SEMA3E: variants seen among roughly 807,000 people sequenced by gnomAD.
SEMA3E encodes semaphorin-3E.
SEMA3E carries 49 observed loss-of-function variants against 93.6 expected under a neutral mutation model. That is an observed-to-expected ratio of 0.52 (90% confidence interval 0.42 to 0.66). The LOEUF (loss-of-function observed/expected upper bound fraction) is 0.66. Among genes scored for constraint, SEMA3E ranks in the 30% least tolerant of loss-of-function variants. The pLI, the probability that SEMA3E is intolerant of heterozygous loss-of-function variation, is 0.00. For synonymous variants in SEMA3E, 363 were observed against 330.7 expected (o/e 1.10, Z -1.06); for missense variants, 906 against 964.8 (o/e 0.94, Z 0.81).
chr7:83,567,947 A>T, intron 1 of SEMA3E, among the ~76,000 whole-genome samples: 1 of 151,984 alleles, frequency 6.6e-6, no homozygotes, highest in East Asian at 1.9e-4. Flanking sequence ...TACAAAGAAA[A>T]TAAAAAGTTG....
At chr7:83,419,015 C>CA (rs1225871778) in intron 4 of SEMA3E, among the ~76,000 whole-genome samples, 3 of 151,866 alleles carry the variant, frequency 2.0e-5, no homozygotes, top group African/African-American at 7.3e-5. Context: ...GCATAGTGTC[C>CA]AACAGGCATT....
chr7:83,546,895 TG>T (rs1791662803), intron 1 of SEMA3E, among the ~76,000 whole-genome samples: 1 of 152,132 alleles, frequency 6.6e-6, no homozygotes, highest in Admixed American at 6.6e-5. Context: ...ATTTTATTGA[TG>T]AAGATACCTT....
chr7:83,399,993 T>A (rs1241774756), intron 11 of SEMA3E, 35 bp downstream of exon 11: 3 of 1,471,322 alleles, frequency 2.0e-6, no homozygotes, highest in Non-Finnish European at 2.9e-6. Flanking sequence ...TAAGGGTCAA[T>A]TTAAATATCT....
intron 2 of SEMA3E, among the ~76,000 whole-genome samples, chr7:83,482,047 C>T (rs1043672772): frequency 2.6e-5 from 4 of 152,066 alleles, no homozygotes; most frequent in African/African-American, 7.2e-5. Flanking sequence ...AGAGCCTAAA[C>T]ACAGATATTA....
intron 1 of SEMA3E, among the ~76,000 whole-genome samples, chr7:83,581,871 T>C (rs961668260): frequency 3.9e-5 from 6 of 152,004 alleles, no homozygotes; most frequent in African/African-American, 1.4e-4. Flanking sequence ...AGGATAATGG[T>C]TGGAGGGCTT....
At chr7:83,482,068 C>T (rs549853157) in intron 2 of SEMA3E, among the ~76,000 whole-genome samples, 1 of 152,150 alleles carries the variant, frequency 6.6e-6, no homozygotes, top group Admixed American at 6.5e-5. Context: ...TTTACACAAT[C>T]CTTAGGTGTT....
In SEMA3E at chr7:83,388,656, T is replaced by C. The variant is rs1787932434; in HGVS notation, c.1668-1606A>G. 2.6e-5 allele frequency among the ~76,000 whole-genome samples: 4 copies of C among 152,018 alleles called. No homozygotes were observed. In the South Asian group the frequency reaches 8.3e-4, roughly 31 times the overall value. ...AATGAGATGCTTTAACCATATGCAATGATGAAATTTGGAAAAGTGAACCAG... is the reference window on the plus strand; with the variant it reads ...AATGAGATGCTTTAACCATATGCAACGATGAAATTTGGAAAAGTGAACCAG... On this transcript the variant is annotated intron_variant, in intron 14 of 16. Coordinates refer to ENST00000643230, the MANE Select transcript of SEMA3E (RefSeq NM_012431.3).
chr7:83,370,657 C>T (rs977695880), intron 16 of SEMA3E, among the ~76,000 whole-genome samples: 5 of 152,148 alleles, frequency 3.3e-5, no homozygotes, highest in Middle Eastern at 3.4e-3. Flanking sequence ...TCTCATCCTG[C>T]GTAACTGAAT....
intron 1 of SEMA3E, among the ~76,000 whole-genome samples, chr7:83,619,711 G>C (rs1415365016): frequency 1.3e-5 from 2 of 151,740 alleles, no homozygotes; most frequent in Non-Finnish European, 2.9e-5. Flanking sequence ...TGTCACATTT[G>C]AGATAATACT....
At chr7:83,539,090 T>G (rs1242317918) in intron 1 of SEMA3E, among the ~76,000 whole-genome samples, 1 of 152,206 alleles carries the variant, frequency 6.6e-6, no homozygotes, top group African/African-American at 2.4e-5. Flanking sequence ...AGAATGGTTT[T>G]GTTTGGAAAC....
At chr7:83,608,864 C>T (rs558204340) in intron 1 of SEMA3E, among the ~76,000 whole-genome samples, 4 of 152,140 alleles carry the variant, frequency 2.6e-5, no homozygotes, top group African/African-American at 9.6e-5. Flanking sequence ...AATCCCAAGT[C>T]TCATTGTTTG....
At chr7:83,521,858 T>C (rs1279973245) in intron 1 of SEMA3E, among the ~76,000 whole-genome samples, 2 of 152,104 alleles carry the variant, frequency 1.3e-5, no homozygotes, top group East Asian at 3.9e-4. Flanking sequence ...TATAGTGGCT[T>C]CAGGGGTTTA....
rs530906232 is a variant in SEMA3E at position 83,455,635 on chromosome 7, A to G, written c.456+10847T>C. Among the ~76,000 whole-genome samples the G allele has an allele frequency of 2.0e-5, 3 of 152,292 alleles. No homozygotes were observed. The South Asian group carries it at 6.2e-4, about 32-fold the overall frequency. On this transcript the variant is annotated intron_variant, in intron 4 of 16. Coordinates refer to ENST00000643230, the MANE Select transcript of SEMA3E (RefSeq NM_012431.3). The stretch of plus-strand genomic sequence containing the variant: ...AATACGGTAAGAAATCACTCCTTAT[A>G]CTACTTTATATGGCAAACGTGATGG...
At chr7:83,574,121 T>C (rs1021752947) in intron 1 of SEMA3E, among the ~76,000 whole-genome samples, 2 of 152,080 alleles carry the variant, frequency 1.3e-5, no homozygotes, top group Admixed American at 6.6e-5. Context: ...TAAATATGAA[T>C]GCAAACCAAA....
chr7:83,501,419 G>A (rs1790594319), intron 1 of SEMA3E, among the ~76,000 whole-genome samples: 1 of 152,130 alleles, frequency 6.6e-6, no homozygotes, highest in Admixed American at 6.6e-5. Flanking sequence ...TTTAACTGAA[G>A]TCATGCTAAG....
intron 1 of SEMA3E, among the ~76,000 whole-genome samples, chr7:83,559,603 T>C (rs901936125): frequency 3.9e-4 from 60 of 151,910 alleles, no homozygotes; most frequent in African/African-American, 1.5e-3. Context: ...CAACAGGAAC[T>C]CTAATTCATT....
chr7:83,531,869 A>G (rs1791308298), intron 1 of SEMA3E, among the ~76,000 whole-genome samples: 1 of 152,180 alleles, frequency 6.6e-6, no homozygotes, highest in African/African-American at 2.4e-5. Flanking sequence ...TTCTCTGATT[A>G]ATTTGAACCA....
chr7:83,391,295 C>A lies in SEMA3E; in HGVS notation c.1667+1260G>T. On this transcript the variant is annotated intron_variant, in intron 14 of 16. Transcript: ENST00000643230. ...CTCATTCATAGTAAGTGCTCAACAG[C>A]AAGCTACTACTATCATTATCTACAA... 1.3e-5 allele frequency among the ~76,000 whole-genome samples: 2 copies of A among 152,216 alleles called. 1 individual carries two copies. The highest frequency in any genetic ancestry group is 4.1e-4 in the South Asian group (2 of 4,826).
intron 1 of SEMA3E, among the ~76,000 whole-genome samples, chr7:83,494,997 G>A (rs1424813959): frequency 6.6e-6 from 1 of 151,916 alleles, no homozygotes; most frequent in Non-Finnish European, 1.5e-5. Context: ...TATGGGGTCA[G>A]AGCAGTCAAC....
Sources: gnomAD v4.1 joint callset for allele counts (sites outside exome capture counted in the v4.1 genomes callset) on GRCh38, gnomAD v4.1.1 for gene constraint, MANE v1.5 for transcripts, NCBI Gene and HGNC (gene_info 2026-07-23, HGNC 2026-07-21) for gene names.